COQ8B: variants seen among roughly 807,000 people sequenced by gnomAD.
COQ8B encodes atypical kinase COQ8B, mitochondrial.
In COQ8B, 44 loss-of-function variants were observed where a neutral mutation model predicts 62.0. That is an observed-to-expected ratio of 0.71 (90% CI 0.56 to 0.91). The LOEUF (loss-of-function observed/expected upper bound fraction) is 0.91. Among genes scored for constraint, COQ8B ranks in the 40% least tolerant of loss-of-function variants. The pLI is 0.00. For synonymous variants in COQ8B, 252 were observed against 289.9 expected (o/e 0.87, Z 1.33); for missense variants, 649 against 731.6 (o/e 0.89, Z 1.30).
intron 12 of COQ8B, among the ~76,000 whole-genome samples, chr19:40,698,174 C>G (rs910032226): frequency 3.3e-5 from 5 of 150,054 alleles, no homozygotes; most frequent in African/African-American, 1.2e-4. Flanking sequence ...CGAGATCACA[C>G]CATTGCACTC....
At chr19:40,714,869 G>C in intron 1 of COQ8B, 2 of 1,312,198 alleles carry the variant, frequency 1.5e-6, no homozygotes, top group Non-Finnish European at 1.9e-6. Flanking sequence ...CCGTTGCTAG[G>C]GTCCGCCCCC....
At chr19:40,709,318 T>G (rs182059220) in intron 5 of COQ8B, among the ~76,000 whole-genome samples, 99 of 152,360 alleles carry the variant, frequency 6.5e-4, no homozygotes, top group African/African-American at 2.1e-3. Flanking sequence ...TGTCAAATAA[T>G]GTCTCTTTCA....
At chr19:40,707,107 A>G (rs545640051) in intron 5 of COQ8B, among the ~76,000 whole-genome samples, 6 of 152,040 alleles carry the variant, frequency 3.9e-5, no homozygotes, top group Non-Finnish European at 8.8e-5. Context: ...TGTTTCTACA[A>G]AAAATACAAA....
chr19:40,695,311 CTG>C (rs1385298316), intron 13 of COQ8B, among the ~76,000 whole-genome samples: 4 of 67,318 alleles, frequency 5.9e-5, no homozygotes, highest in Non-Finnish European at 1.3e-4. Flanking sequence ...GAGCAAGACT[CTG>C]TCTCAATTAA....
intron 9 of COQ8B, among the ~76,000 whole-genome samples, chr19:40,702,908 T>TG (rs1467465274): frequency 2.7e-5 from 4 of 147,812 alleles, no homozygotes; most frequent in African/African-American, 1.1e-4. Context: ...CGCTGCCCCT[T>TG]GCAGCTCCTG....
intron 13 of COQ8B, 67 bp from the exon 14 acceptor site, chr19:40,693,104 C>A: frequency 7.1e-7 from 1 of 1,403,484 alleles, no homozygotes; most frequent in South Asian, 1.2e-5. Context: ...AGAAGAGGAG[C>A]TGGAAGCCTG....
chr19:40,706,742 A>C (rs1335642700), intron 5 of COQ8B, among the ~76,000 whole-genome samples: 2 of 152,192 alleles, frequency 1.3e-5, no homozygotes, highest in Non-Finnish European at 2.9e-5. Flanking sequence ...TTACAGGCGT[A>C]AGCCACCGCA....
At position 40,697,849 on chromosome 19, in the gene COQ8B, T is replaced by TAGAG. The variant is rs1224275474; in HGVS notation, c.1144-1796_1144-1795insCTCT. ...ATATATATATATATATATATATATATATAGAGAGAGAGAGAGAGAGAGAGA... is the reference window on the plus strand; with the variant it reads ...ATATATATATATATATATATATATATAGAGATAGAGAGAGAGAGAGAGAGAGAGA... On this transcript the variant is annotated intron_variant, in intron 12 of 14. Coordinates refer to ENST00000324464, the MANE Select transcript of COQ8B (RefSeq NM_024876.4). 4.6e-3 allele frequency among the ~76,000 whole-genome samples: 277 copies of TAGAG among 60,676 alleles called. 2 individuals are homozygous for TAGAG. Among genetic ancestry groups the TAGAG allele is most frequent in the South Asian group, 5.5e-3 (10 of 1,818 alleles). 39.8% of individuals were successfully genotyped at this position (60,676 alleles called of 152,430 possible). A position where few individuals can be genotyped will look rare whatever the true frequency, so the allele number is the denominator to read the frequency against.
chr19:40,695,849 G>T, intron 13 of COQ8B, 140 bp downstream of exon 13: 1 of 838,974 alleles, frequency 1.2e-6, no homozygotes, highest in Admixed American at 1.9e-5. Context: ...AGTGCTTGGT[G>T]TGTGCTAGTT....
intron 4 of COQ8B, among the ~76,000 whole-genome samples, chr19:40,712,213 T>C (rs938074472): frequency 1.3e-4 from 20 of 151,052 alleles, no homozygotes; most frequent in Non-Finnish European, 1.5e-4. Context: ...CTGAGGCAGG[T>C]GGATCACGAG....
Position 40,714,410 on chromosome 19 carries a change from T to C in COQ8B, c.103-13A>G, listed in dbSNP as rs1568444501. The C allele has an allele frequency of 3.1e-6, 5 of 1,613,104 alleles. No individual in the cohort carries two copies. Among genetic ancestry groups the C allele is most frequent in the Non-Finnish European group, 4.2e-6 (5 of 1,179,506 alleles). ...CTCCACATGGTCCCTGCAAGAGATA[T>C]ACTTTGATAAGGAGGGGAGGACATG... On this transcript the variant is annotated splice_polypyrimidine_tract_variant and intron_variant, in intron 2 of 14. Transcript: ENST00000324464.
chr19:40,700,656 C>G, intron 10 of COQ8B: 1 of 617,730 alleles, frequency 1.6e-6, no homozygotes, highest in Non-Finnish European at 2.8e-6. Context: ...AAGGTGCCTA[C>G]TCTGCACCTG....
Position 40,716,819 on chromosome 19 carries a change from C to T in COQ8B, c.-236G>A. ...TAGTCACAGGGGTGGAGGGAGGGGG[C>T]CCACTGGCGCGCCACCAGGACCCCG... On this transcript the variant is annotated 5_prime_UTR_variant, in exon 1 of 15. Coordinates refer to ENST00000324464, the MANE Select transcript of COQ8B (RefSeq NM_024876.4). 5.6e-6 allele frequency: 1 copy of T among 179,616 alleles called. No individual in the cohort carries two copies. Among genetic ancestry groups the T allele is most frequent in the Non-Finnish European group, 1.2e-5 (1 of 86,108 alleles). The allele number at this position is 179,616 out of a possible 1,614,324, so 11.1% of individuals were successfully genotyped here.
chr19:40,699,968 G>T (rs2082048457), intron 12 of COQ8B, 99 bp downstream of exon 12: 2 of 1,148,028 alleles, frequency 1.7e-6, no homozygotes, highest in African/African-American at 1.5e-5. Context: ...CCTGCCTATT[G>T]TGGGGGTAAT....
rs1406997268 is a variant in COQ8B, at chr19:40,697,843, T to TAGAG, written c.1144-1790_1144-1789insCTCT. 5.2e-3 allele frequency among the ~76,000 whole-genome samples: 252 copies of TAGAG among 48,748 alleles called. 1 individual carries two copies. Among genetic ancestry groups the TAGAG allele is most frequent in the South Asian group, 0.02 (35 of 1,794 alleles). 32.0% of individuals were successfully genotyped at this position (48,748 alleles called of 152,430 possible). A position where few individuals can be genotyped will look rare whatever the true frequency, so the allele number is the denominator to read the frequency against. ...AAAATTATATATATATATATATATATATATATATAGAGAGAGAGAGAGAGA... is the reference window on the plus strand; with the variant it reads ...AAAATTATATATATATATATATATATAGAGATATATATAGAGAGAGAGAGAGAGA... On this transcript the variant is annotated intron_variant, in intron 12 of 14. Coordinates refer to ENST00000324464, the MANE Select transcript of COQ8B (RefSeq NM_024876.4).
chr19:40,693,151 G>A, intron 13 of COQ8B, 114 bp from the exon 14 acceptor site: 1 of 839,782 alleles, frequency 1.2e-6, no homozygotes, highest in Non-Finnish European at 1.9e-6. Flanking sequence ...TCATCTGCCT[G>A]GGCCCTCCCT....
rs199624079 is a variant in COQ8B at position 40,702,698 on chromosome 19, G to C, written c.800-5C>G. On this transcript the variant is annotated splice_polypyrimidine_tract_variant and splice_region_variant and intron_variant, in intron 9 of 14. Transcript: ENST00000324464. ...GGCTCTGCTCGGCAAACAGGCCTGT[G>C]GGGGAGGTGTGTCAGCCAGGGAAGG... is the stretch of plus-strand genomic sequence containing the variant. 2.0e-4 allele frequency: 326 copies of C among 1,606,482 alleles called. No homozygotes were observed. The African/African-American group carries it at 4.0e-3, about 20-fold the overall frequency.
chr19:40,696,967 TCA>T (rs2082019551), intron 12 of COQ8B, among the ~76,000 whole-genome samples: 2 of 152,346 alleles, frequency 1.3e-5, no homozygotes, highest in South Asian at 4.1e-4. Flanking sequence ...TCGCTCCAGC[TCA>T]GTCACTCATT....
rs769747498 is a variant in COQ8B, at chr19:40,692,973, A to G, written c.1274T>C (p.Phe425Ser). The change falls in exon 14 of 15, where the codon TTC becomes TCC. Residue 425 changes from phenylalanine to serine, a missense_variant. Phe to Ser is a radical substitution (Grantham distance 155). Coordinates refer to ENST00000324464, the MANE Select transcript of COQ8B (RefSeq NM_024876.4). ...CACCTTGGTTTCAAAGCCTGTGAGG[A>G]ATTTGAGGTCCCTGGACTTCTGCAG... ...CVLQKSRDLKFLTGFETKAFS... is the reference protein window; with the variant it reads ...CVLQKSRDLKSLTGFETKAFS... The G allele has an allele frequency of 4.3e-6, 7 of 1,613,572 alleles. No homozygotes were observed. The highest frequency in any genetic ancestry group is 3.3e-5 in the South Asian group (3 of 91,024).
Sources: gnomAD v4.1 joint callset for allele counts (sites outside exome capture counted in the v4.1 genomes callset) on GRCh38, gnomAD v4.1.1 for gene constraint, MANE v1.5 for transcripts, NCBI Gene and HGNC (gene_info 2026-07-23, HGNC 2026-07-21) for gene names.